The following TMEM260 variants were observed in gnomAD, a reference collection of about 807,000 sequenced individuals.
TMEM260 encodes the protein protein O-mannosyl-transferase TMEM260.
TMEM260 carries 82 observed loss-of-function variants against 88.9 expected under a neutral mutation model. That is an observed-to-expected ratio of 0.92 (90% CI 0.77 to 1.11). The LOEUF is 1.11. Among genes scored for constraint, TMEM260 ranks in the 50% least tolerant of loss-of-function variants. The pLI is 0.00. For synonymous variants in TMEM260, 314 were observed against 309.3 expected, an observed-to-expected ratio of 1.02 and a Z score of -0.16; for missense variants, 902 against 853.4, an observed-to-expected ratio of 1.06 and a Z score of -0.71.
chr14:56,652,489 CAAAA>C (rs34203722), downstream of TMEM260, among the ~76,000 whole-genome samples: 1,822 of 115,194 alleles, frequency 0.016, 40 homozygotes, highest in African/African-American at 0.053. Context: ...CAGAGTGTCT[CAAAA>C]AAAAAAAAAA....
chr14:56,582,777 C>CCCTTCCTCTTTTTTTTTAG (rs1566521916), intron 1 of TMEM260, among the ~76,000 whole-genome samples: 1 of 151,994 alleles, frequency 6.6e-6, no homozygotes, highest in Non-Finnish European at 1.5e-5. Context: ...GGTTTTTTTA[C>CCCTTCCTCTTTTTTTTTAG]TATTCCCTTC....
chr14:56,638,651 A>T (rs753170637), intron 15 of TMEM260, among the ~76,000 whole-genome samples: 1 of 152,128 alleles, frequency 6.6e-6, no homozygotes, highest in African/African-American at 2.4e-5. Context: ...GAGGCCAATT[A>T]CTTCATGGTA....
chr14:56,643,995 G>C (rs560811015), intron 15 of TMEM260, among the ~76,000 whole-genome samples: 2 of 152,036 alleles, frequency 1.3e-5, no homozygotes, highest in South Asian at 4.2e-4. Flanking sequence ...CACTGCTCAA[G>C]GAAATAAAAG....
intron 3 of TMEM260, among the ~76,000 whole-genome samples, chr14:56,590,534 A>G (rs1190505335): frequency 6.6e-6 from 1 of 152,228 alleles, no homozygotes; most frequent in Non-Finnish European, 1.5e-5. Flanking sequence ...AATTGGGAGA[A>G]AATTTATGTA....
chr14:56,595,868 A>G (rs1886174275), intron 3 of TMEM260, among the ~76,000 whole-genome samples: 1 of 152,204 alleles, frequency 6.6e-6, no homozygotes, highest in African/African-American at 2.4e-5. Flanking sequence ...TTAAAAATAA[A>G]TTATTACTTC....
intron 15 of TMEM260, among the ~76,000 whole-genome samples, chr14:56,643,048 G>T (rs1409850447): frequency 1.3e-5 from 2 of 152,112 alleles, no homozygotes; most frequent in African/African-American, 4.8e-5. Context: ...AAAAGTCCAG[G>T]ACCAGATGGA....
the TMEM260 span, among the ~76,000 whole-genome samples, chr14:56,656,543 A>G: frequency 6.6e-6 from 1 of 152,224 alleles, no homozygotes; most frequent in Non-Finnish European, 1.5e-5. Context: ...TATAAAGTGT[A>G]TTGAACAGTG....
chr14:56,593,920 C>T (rs945201772), intron 3 of TMEM260, among the ~76,000 whole-genome samples: 3 of 151,480 alleles, frequency 2.0e-5, no homozygotes, highest in South Asian at 2.1e-4. Flanking sequence ...ATCTCCTGAC[C>T]TCATGATCCA....
chr14:56,633,376 G>T, intron 13 of TMEM260: 1 of 433,868 alleles, frequency 2.3e-6, no homozygotes, highest in East Asian at 4.1e-5. Context: ...GGAGAGAGGA[G>T]GGAAGAGGGT....
intron 1 of TMEM260, among the ~76,000 whole-genome samples, chr14:56,580,983 C>G (rs1594800608): frequency 1.3e-5 from 2 of 152,222 alleles, no homozygotes; most frequent in Non-Finnish European, 1.5e-5. Context: ...GTCTGGGTGC[C>G]GTTTAAGCTA....
At chr14:56,619,182 A>G (rs1212073097) in intron 10 of TMEM260, among the ~76,000 whole-genome samples, 1 of 152,054 alleles carries the variant, frequency 6.6e-6, no homozygotes, top group African/African-American at 2.4e-5. Flanking sequence ...GTAAATACTA[A>G]TTTTTTTGAG....
rs755802748 is a variant in TMEM260 at position 56,636,635 on chromosome 14, T to C, written c.1869+37T>C. The stretch of plus-strand genomic sequence containing the variant: ...TTTTATATGTAGATATAGATATATT[T>C]GGTGGGAAGGTGATGGTGATTGTTC... On this transcript the variant is annotated intron_variant, in intron 15 of 15. Coordinates refer to ENST00000261556, the MANE Select transcript of TMEM260 (RefSeq NM_017799.4). 4 of 1,550,518 alleles carry C rather than the reference T, an allele frequency of 2.6e-6. No individual in the cohort carries two copies. In the South Asian group the frequency reaches 4.5e-5, roughly 17 times the overall value.
chr14:56,604,323 T>A (rs79848309), intron 4 of TMEM260, among the ~76,000 whole-genome samples: 2,877 of 152,276 alleles, frequency 0.019, 86 homozygotes, highest in African/African-American at 0.065. Context: ...GGTGCCAAGC[T>A]CTACACTGGC....
chr14:56,583,487 T>C (rs948194962), intron 1 of TMEM260, among the ~76,000 whole-genome samples: 2 of 152,118 alleles, frequency 1.3e-5, no homozygotes, highest in Non-Finnish European at 2.9e-5. Flanking sequence ...TGATGCTTTG[T>C]GTGTGGCCAG....
intron 3 of TMEM260, among the ~76,000 whole-genome samples, chr14:56,601,952 T>C (rs962620834): frequency 2.0e-5 from 3 of 152,138 alleles, no homozygotes; most frequent in Non-Finnish European, 4.4e-5. Context: ...TCTCCAAGGA[T>C]GCTAATTTCG....
At chr14:56,599,980 TAGTC>T (rs1158068804) in intron 3 of TMEM260, among the ~76,000 whole-genome samples, 1 of 152,210 alleles carries the variant, frequency 6.6e-6, no homozygotes, top group African/African-American at 2.4e-5. Flanking sequence ...AGATGATGAT[TAGTC>T]AGATACAGTA....
At chr14:56,637,504 C>T (rs1889200287) in intron 15 of TMEM260, among the ~76,000 whole-genome samples, 1 of 152,224 alleles carries the variant, frequency 6.6e-6, no homozygotes, top group Admixed American at 6.5e-5. Context: ...ACTACTGTAA[C>T]CAAGTCTCTG....
rs1884998579 is a variant in TMEM260 at position 56,579,988 on chromosome 14, G to A, written c.74G>A (p.Gly25Asp). ...CGAGTGGGGCTGCGGCGCTCCGGGG[G>A]CATCCGCGGCGGCGTGGCGGTGTTC... is the stretch of plus-strand genomic sequence containing the variant. ...AVRVGLRRSG[G>D]IRGGVAVFAA... Residue 25 changes from glycine to aspartate, a missense_variant, in exon 1 of 16, where the codon GGC becomes GAC. Coordinates refer to ENST00000261556, the MANE Select transcript of TMEM260 (RefSeq NM_017799.4). 8.0e-7 allele frequency: 1 copy of A among 1,245,480 alleles called. No individual in the cohort carries two copies. The highest frequency in any genetic ancestry group is 1.0e-6 in the Non-Finnish European group (1 of 989,198). The allele number at this position is 1,245,480 out of a possible 1,614,324, so 77.2% of individuals were successfully genotyped here. A position where few individuals can be genotyped will look rare whatever the true frequency, so the allele number is the denominator to read the frequency against.
At chr14:56,662,555 CT>C in the TMEM260 span, among the ~76,000 whole-genome samples, 8 of 152,336 alleles carry the variant, frequency 5.3e-5, no homozygotes, top group African/African-American at 1.9e-4. Context: ...AGAACCACCC[CT>C]GTGCCCACTA....
Sources: allele counts gnomAD v4.1 joint callset (sites outside exome capture counted in the v4.1 genomes callset), GRCh38; gene constraint gnomAD v4.1.1; transcripts MANE v1.5; gene names NCBI Gene and HGNC (gene_info 2026-07-23, HGNC 2026-07-21).